PCDH11Y: variants seen among roughly 807,000 people sequenced by gnomAD.
The protein encoded by PCDH11Y is protocadherin 11 Y-linked.
For synonymous variants in PCDH11Y, 9 were observed against 83.6 expected (o/e 0.11, Z 4.87); for missense variants, 12 against 224.8 (o/e 0.05, Z 6.05).
At chrY:5,407,635 C>G in intron 2 of PCDH11Y, among the ~76,000 whole-genome samples, 1 of 32,661 alleles carries the variant, frequency 3.1e-5, no homozygotes, top group East Asian at 8.1e-4. Context: ...AGCTGTGGGC[C>G]AGGCACGGTG....
At chrY:5,014,907 GT>G (rs2052558696) in intron 1 of PCDH11Y, among the ~76,000 whole-genome samples, 1 of 33,148 alleles carries the variant, frequency 3.0e-5, no homozygotes, top group African/African-American at 1.2e-4. Flanking sequence ...CTCATACTTT[GT>G]TTTCCATTGG....
chrY:5,688,855 G>C (rs2124710454), intron 4 of PCDH11Y, among the ~76,000 whole-genome samples: 1 of 31,749 alleles, frequency 3.1e-5, no homozygotes, highest in South Asian at 7.2e-4. Flanking sequence ...ATATTCCACT[G>C]TATGCCTTCC....
At chrY:5,192,248 TG>T (rs2052913247) in intron 2 of PCDH11Y, among the ~76,000 whole-genome samples, 1 of 30,493 alleles carries the variant, frequency 3.3e-5, no homozygotes, top group Admixed American at 3.0e-4. Context: ...CCAAAAAGGT[TG>T]GGGACCACTG....
At chrY:5,490,513 C>T in intron 2 of PCDH11Y, among the ~76,000 whole-genome samples, 2 of 34,454 alleles carry the variant, frequency 5.8e-5, no homozygotes, top group Admixed American at 5.2e-4. Flanking sequence ...AATCTTACTT[C>T]GGACCTACTA....
chrY:5,624,690 T>C, intron 4 of PCDH11Y, among the ~76,000 whole-genome samples: 1 of 32,221 alleles, frequency 3.1e-5, no homozygotes, highest in African/African-American at 1.2e-4. Context: ...CAGATGGCTA[T>C]AAGTGTGTGG....
chrY:5,102,737 G>A (rs2052781818), downstream of PCDH11Y, among the ~76,000 whole-genome samples: 1 of 32,521 alleles, frequency 3.1e-5, no homozygotes, highest in Non-Finnish European at 7.6e-5. Flanking sequence ...ATAACTAAGA[G>A]ACATTTTCTG....
chrY:5,603,212 T>C, intron 4 of PCDH11Y, among the ~76,000 whole-genome samples: 1 of 29,013 alleles, frequency 3.4e-5, no homozygotes, highest in Non-Finnish European at 8.1e-5. Flanking sequence ...TTATAACTGA[T>C]GCTAGTAGAT....
chrY:5,095,916 T>C (rs2052749737), intron 1 of PCDH11Y, among the ~76,000 whole-genome samples: 50 of 32,270 alleles, frequency 1.5e-3, no homozygotes, highest in Non-Finnish European at 6.1e-4. Flanking sequence ...TTGTGAAATG[T>C]TTTTTTAAAT....
At chrY:5,067,093 A>G (rs2052688173) in intron 1 of PCDH11Y, among the ~76,000 whole-genome samples, 16 of 32,737 alleles carry the variant, frequency 4.9e-4, no homozygotes, top group Non-Finnish European at 7.5e-4. Flanking sequence ...GATTCTAAAC[A>G]TTTCTCTATA....
intron 2 of PCDH11Y, among the ~76,000 whole-genome samples, chrY:5,456,656 C>G (rs1393459797): frequency 1.5e-4 from 5 of 33,637 alleles, no homozygotes; most frequent in Admixed American, 1.3e-3. Flanking sequence ...AAAAAAGGAA[C>G]AAAATCATAT....
At chrY:5,191,541 C>T in intron 2 of PCDH11Y, among the ~76,000 whole-genome samples, 1 of 31,746 alleles carries the variant, frequency 3.1e-5, no homozygotes, top group Non-Finnish European at 7.6e-5. Context: ...ATACATGTGC[C>T]ATGGTGGTTT....
At chrY:5,445,405 T>G in intron 2 of PCDH11Y, among the ~76,000 whole-genome samples, 1 of 30,671 alleles carries the variant, frequency 3.3e-5, no homozygotes, top group East Asian at 8.8e-4. Context: ...CACCTCCTCC[T>G]CCTCCTCTTT....
exon 5 of PCDH11Y, chrY:5,741,640 G>A: frequency 3.1e-5 from 1 of 32,117 alleles, no homozygotes; most frequent in Non-Finnish European, 7.7e-5. Context: ...CAATTGGCTG[G>A]GAAAACATGG....
At chrY:5,551,868 T>A in intron 3 of PCDH11Y, among the ~76,000 whole-genome samples, 1 of 32,950 alleles carries the variant, frequency 3.0e-5, no homozygotes, top group Non-Finnish European at 7.5e-5. Context: ...CTACCCCACT[T>A]TGTCCATTTA....
At chrY:5,563,142 A>G in intron 3 of PCDH11Y, among the ~76,000 whole-genome samples, 1 of 33,239 alleles carries the variant, frequency 3.0e-5, no homozygotes, top group Non-Finnish European at 7.4e-5. Context: ...TGAGAGCTCA[A>G]ATTACATCAC....
At chrY:5,092,638 G>T in intron 1 of PCDH11Y, among the ~76,000 whole-genome samples, 1 of 32,282 alleles carries the variant, frequency 3.1e-5, no homozygotes, top group African/African-American at 1.2e-4. Context: ...TATTTCCTTA[G>T]TGTTTTCTAA....
At chrY:5,041,790 T>A (rs1602843854) in intron 3 of PCDH11Y, among the ~76,000 whole-genome samples, 2 of 33,285 alleles carry the variant, frequency 6.0e-5, no homozygotes, top group Non-Finnish European at 1.5e-4. Flanking sequence ...GACTTTTTAA[T>A]GATTGCCATT....
chrY:5,555,730 C>A, intron 3 of PCDH11Y, among the ~76,000 whole-genome samples: 1 of 31,065 alleles, frequency 3.2e-5, no homozygotes, highest in Non-Finnish European at 7.8e-5. Flanking sequence ...CATTAAATTT[C>A]TTTCTTTTGT....
intron 3 of PCDH11Y, among the ~76,000 whole-genome samples, chrY:5,523,107 G>A (rs2053383104): frequency 3.0e-5 from 1 of 33,280 alleles, no homozygotes; most frequent in Non-Finnish European, 7.4e-5. Context: ...TTTTGCTTGT[G>A]CTTATTCTGT....
Sources: allele counts gnomAD v4.1 joint callset (sites outside exome capture counted in the v4.1 genomes callset), GRCh38; gene constraint gnomAD v4.1.1; transcripts MANE v1.5; gene names NCBI Gene and HGNC (gene_info 2026-07-23, HGNC 2026-07-21).